Variants in SPMIP7 observed in about 807,000 individuals in gnomAD.
The protein encoded by SPMIP7 is sperm microtubule inner protein 7.
chr7:50,097,375 T>C, the SPMIP7 span, among the ~76,000 whole-genome samples: 39 of 152,284 alleles, frequency 2.6e-4, no homozygotes, highest in Middle Eastern at 3.4e-3. Context: ...TAAGAAATTA[T>C]AGGTTGAAGA....
chr7:50,111,994 T>C, the SPMIP7 span, among the ~76,000 whole-genome samples: 2 of 152,218 alleles, frequency 1.3e-5, no homozygotes, highest in Non-Finnish European at 2.9e-5. Flanking sequence ...ACAAATTGAA[T>C]TACATATTTT....
the SPMIP7 span, among the ~76,000 whole-genome samples, chr7:50,125,479 G>A: frequency 1.3e-5 from 2 of 149,406 alleles, no homozygotes; most frequent in African/African-American, 4.9e-5. Flanking sequence ...TGGTAAGAAT[G>A]GAAATTGTGA....
At chr7:50,139,696 C>T in the SPMIP7 span, among the ~76,000 whole-genome samples, 3 of 152,170 alleles carry the variant, frequency 2.0e-5, no homozygotes, top group African/African-American at 7.2e-5. Context: ...GCCTCCTGTA[C>T]GTAAATGTTC....
chr7:50,147,533 A>G, the SPMIP7 span, among the ~76,000 whole-genome samples: 1 of 152,240 alleles, frequency 6.6e-6, no homozygotes, highest in African/African-American at 2.4e-5. Flanking sequence ...ATACTCAATG[A>G]CTATTAGTCA....
the SPMIP7 span, among the ~76,000 whole-genome samples, chr7:50,097,536 G>C: frequency 6.6e-6 from 1 of 152,134 alleles, no homozygotes; most frequent in Non-Finnish European, 1.5e-5. Flanking sequence ...TTTAGACTCA[G>C]ACTGTCTGGC....
the SPMIP7 span, chr7:50,158,983 G>A: frequency 6.6e-7 from 1 of 1,509,766 alleles, no homozygotes; most frequent in South Asian, 1.2e-5. Flanking sequence ...GTTGGATGAG[G>A]TTGTGTATTT....
chr7:50,155,258 A>G, the SPMIP7 span, among the ~76,000 whole-genome samples: 12 of 152,226 alleles, frequency 7.9e-5, no homozygotes, highest in African/African-American at 2.9e-4. Flanking sequence ...ACAAGAAACC[A>G]TTGCCAAGGC....
the SPMIP7 span, among the ~76,000 whole-genome samples, chr7:50,145,614 G>GTATATATATATATATA: frequency 1.0e-4 from 4 of 39,044 alleles, no homozygotes; most frequent in Non-Finnish European, 2.3e-4. Context: ...GTGTATATGT[G>GTATATATATATATATA]TGTGTATATA....
chr7:50,145,135 C>T, the SPMIP7 span, among the ~76,000 whole-genome samples: 1,861 of 151,718 alleles, frequency 0.012, 46 homozygotes, highest in African/African-American at 0.042. Context: ...TGGTGGTGAG[C>T]GCCTGTAATC....
chr7:50,117,638 T>A, the SPMIP7 span, among the ~76,000 whole-genome samples: 1 of 152,202 alleles, frequency 6.6e-6, no homozygotes, highest in East Asian at 1.9e-4. Flanking sequence ...TGTGAGATAA[T>A]CCCTTTGATA....
chr7:50,147,504 G>A, the SPMIP7 span, among the ~76,000 whole-genome samples: 5 of 152,128 alleles, frequency 3.3e-5, no homozygotes, highest in African/African-American at 1.2e-4. Context: ...CATTTAAAAG[G>A]GTGCCTGGAA....
chr7:50,095,978 C>A, the SPMIP7 span: 1 of 682,922 alleles, frequency 1.5e-6, no homozygotes, highest in Non-Finnish European at 2.2e-6. Flanking sequence ...CAATTTTATA[C>A]TAGTTTAACA....
At chr7:50,098,610 T>A in the SPMIP7 span, among the ~76,000 whole-genome samples, 4 of 152,174 alleles carry the variant, frequency 2.6e-5, no homozygotes, top group East Asian at 7.7e-4. Context: ...AATCATGGAA[T>A]TGGTATATTT....
At chr7:50,131,575 A>G in the SPMIP7 span, among the ~76,000 whole-genome samples, 2 of 152,184 alleles carry the variant, frequency 1.3e-5, no homozygotes, top group South Asian at 2.1e-4. Flanking sequence ...AAGGGCACTG[A>G]GTCCTGGCAT....
chr7:50,107,593 G>C, the SPMIP7 span, among the ~76,000 whole-genome samples: 1 of 151,918 alleles, frequency 6.6e-6, no homozygotes, highest in African/African-American at 2.4e-5. Flanking sequence ...GAAAAATACA[G>C]AAGTGAAAGT....
At chr7:50,099,466 T>C in the SPMIP7 span, among the ~76,000 whole-genome samples, 1 of 152,234 alleles carries the variant, frequency 6.6e-6, no homozygotes, top group East Asian at 1.9e-4. Context: ...TTCATTTTCC[T>C]TGACTCTCTG....
At chr7:50,123,567 TAATA>T in the SPMIP7 span, among the ~76,000 whole-genome samples, 38,972 of 146,178 alleles carry the variant, frequency 0.27, 5,665 homozygotes, top group East Asian at 0.66. Context: ...TAAAGTATAA[TAATA>T]AATAAATAAA....
At chr7:50,124,211 A>G in the SPMIP7 span, among the ~76,000 whole-genome samples, 1 of 152,190 alleles carries the variant, frequency 6.6e-6, no homozygotes, top group African/African-American at 2.4e-5. Flanking sequence ...ATGTATATGC[A>G]TCTAGTAACA....
the SPMIP7 span, among the ~76,000 whole-genome samples, chr7:50,155,406 T>C: frequency 1.3e-5 from 2 of 152,216 alleles, no homozygotes; most frequent in African/African-American, 2.4e-5. Flanking sequence ...CTTGTACTGA[T>C]CATTTAGACT....
Sources: gnomAD v4.1 joint callset for allele counts (sites outside exome capture counted in the v4.1 genomes callset) on GRCh38, gnomAD v4.1.1 for gene constraint, MANE v1.5 for transcripts, NCBI Gene and HGNC (gene_info 2026-07-23, HGNC 2026-07-21) for gene names.